The following RUFY1 variants were observed in gnomAD, a reference collection of about 807,000 sequenced individuals.
RUFY1 encodes RUN and FYVE domain-containing protein 1.
In RUFY1, 54 loss-of-function variants were observed where a neutral mutation model predicts 94.6. The ratio of observed to expected loss-of-function variants is 0.57; its 90% CI spans 0.46 to 0.72. RUFY1 has a LOEUF of 0.72. Ranked by LOEUF, RUFY1 falls within the 30% of genes least tolerant of loss-of-function variation. The pLI is 0.00. For synonymous variants in RUFY1, 396 were observed against 347.3 expected (o/e 1.14, Z -1.56); for missense variants, 883 against 883.9 (o/e 1.00, Z 0.01).
At chr5:179,591,338 C>T (rs1325503844) in intron 9 of RUFY1, among the ~76,000 whole-genome samples, 1 of 151,958 alleles carries the variant, frequency 6.6e-6, no homozygotes, top group Non-Finnish European at 1.5e-5. Flanking sequence ...GCGCCCACCA[C>T]CACGCCCAGC....
chr5:179,560,373 C>T (rs1762347701), intron 2 of RUFY1, among the ~76,000 whole-genome samples, 175 bp downstream of exon 2: 1 of 152,192 alleles, frequency 6.6e-6, no homozygotes, highest in African/African-American at 2.4e-5. Flanking sequence ...ATAGAAATAG[C>T]ATGCAAGCTA....
At chr5:179,579,502 T>C (rs1763914237) in intron 6 of RUFY1, among the ~76,000 whole-genome samples, 1 of 151,734 alleles carries the variant, frequency 6.6e-6, no homozygotes, top group South Asian at 2.1e-4. Context: ...GGCTAATTTT[T>C]TGTATTTTTA....
chr5:179,582,042 A>T (rs1764203889), intron 7 of RUFY1, among the ~76,000 whole-genome samples: 1 of 152,018 alleles, frequency 6.6e-6, no homozygotes, highest in Non-Finnish European at 1.5e-5. Context: ...TTGGTCGATT[A>T]CTAGTTTATT....
Position 179,609,555 on chromosome 5 carries a change from G to GC in RUFY1, c.*38dup. On this transcript the variant is annotated 3_prime_UTR_variant, in exon 18 of 18. Transcript: ENST00000319449. Reference sequence around the variant, plus strand: ...TCAGGAGCACAGCCTCACGGACAGTGCCAAACCCTGTGGGTCTCCAGGGGC... The same window carrying GC: ...TCAGGAGCACAGCCTCACGGACAGTGCCCAAACCCTGTGGGTCTCCAGGGGC... 6.5e-7 allele frequency: 1 copy of GC among 1,548,346 alleles called. No individual in the cohort carries two copies.
At chr5:179,595,032 C>T (rs933966459) in intron 12 of RUFY1, 69 bp downstream of exon 12, 1 of 1,141,882 alleles carries the variant, frequency 8.8e-7, no homozygotes, top group Non-Finnish European at 1.3e-6. Flanking sequence ...GAGACTTATT[C>T]AGAGTCCCTC....
chr5:179,594,892 G>A lies in RUFY1; in HGVS notation c.1440G>A (p.Lys480=). Reference sequence around the variant, plus strand: ...ATGCAGAGAGCAGTTTGCAGCAGAAGAATGAAGCCATCACATCCTTTGAAG... The same window carrying A: ...ATGCAGAGAGCAGTTTGCAGCAGAAAAATGAAGCCATCACATCCTTTGAAG... ...AQNAESSLQQ[K]NEAITSFEGK... The change falls in exon 12 of 18, where the codon AAG becomes AAA. Residue 480 remains lysine, a synonymous_variant. Transcript: ENST00000319449. 6.2e-7 allele frequency: 1 copy of A among 1,611,720 alleles called. No homozygotes were observed. Among genetic ancestry groups the A allele is most frequent in the Non-Finnish European group, 8.5e-7 (1 of 1,178,746 alleles).
At chr5:179,586,571 A>G (rs1328105673) in intron 8 of RUFY1, 1 of 394,276 alleles carries the variant, frequency 2.5e-6, no homozygotes, top group Non-Finnish European at 5.1e-6. Flanking sequence ...GAGGTGGGTT[A>G]CAGCAGAGAA....
chr5:179,566,196 T>G (rs1384653437), intron 3 of RUFY1, among the ~76,000 whole-genome samples: 1 of 152,160 alleles, frequency 6.6e-6, no homozygotes, highest in Non-Finnish European at 1.5e-5. Context: ...TTGAGAGGCC[T>G]TTTTTCTTTT....
At chr5:179,578,278 A>G (rs1272522136) in intron 6 of RUFY1, among the ~76,000 whole-genome samples, 1 of 152,068 alleles carries the variant, frequency 6.6e-6, no homozygotes, top group Non-Finnish European at 1.5e-5. Flanking sequence ...CAGTGGTGCA[A>G]TCTCGGCTCA....
intron 5 of RUFY1, among the ~76,000 whole-genome samples, chr5:179,576,258 T>G (rs1227720130): frequency 6.6e-6 from 1 of 152,184 alleles, no homozygotes; most frequent in Non-Finnish European, 1.5e-5. Context: ...AAGTGCTTTA[T>G]TTCTTGGCAA....
At chr5:179,596,817 C>G in intron 13 of RUFY1, 136 bp downstream of exon 13, 1 of 1,132,948 alleles carries the variant, frequency 8.8e-7, no homozygotes, top group South Asian at 1.7e-5. Flanking sequence ...TGCTTCACCA[C>G]TCACCCCTGC....
chr5:179,607,673 C>A lies in RUFY1; in HGVS notation c.1983+14C>A. On this transcript the variant is annotated intron_variant, in intron 17 of 17. Transcript: ENST00000319449. ...TCCCGGAGAAAGGTACGTGGGGGCT[C>A]CACCCACCCTCCCAGTGCCCTGAGT... The A allele has an allele frequency of 6.2e-7, 1 of 1,603,690 alleles. No homozygotes were observed.
At chr5:179,556,980 G>A (rs1023743524) in intron 1 of RUFY1, among the ~76,000 whole-genome samples, 1 of 152,092 alleles carries the variant, frequency 6.6e-6, no homozygotes, top group African/African-American at 2.4e-5. Flanking sequence ...CAAGTTATAT[G>A]CCCCAAATCA....
Position 179,598,626 on chromosome 5 carries a change from T to C in RUFY1, c.1632-66T>C, listed in dbSNP as rs1463133122. ...ACTTCCCTGTTTCCTGGGCGGTGAA[T>C]TGGGTTGTGAATCTTCCGTGAAAGT... On this transcript the variant is annotated intron_variant, in intron 13 of 17. Transcript: ENST00000319449. 1.4e-5 allele frequency: 22 copies of C among 1,586,152 alleles called. No individual in the cohort carries two copies. In the East Asian group the frequency reaches 4.7e-4, roughly 34 times the overall value.
chr5:179,600,898 A>G (rs959874498), intron 14 of RUFY1, among the ~76,000 whole-genome samples: 1 of 151,988 alleles, frequency 6.6e-6, no homozygotes. Context: ...GGGTTTTGCC[A>G]TGTTGGCCAG....
At chr5:179,593,428 A>G (rs1467317424) in intron 10 of RUFY1, 50 bp from the exon 11 acceptor site, 2 of 1,565,706 alleles carry the variant, frequency 1.3e-6, no homozygotes. Flanking sequence ...AGTTAAATAC[A>G]TTTCTGTGAT....
intron 8 of RUFY1, chr5:179,586,555 G>A (rs1406598161): frequency 2.4e-5 from 10 of 415,878 alleles, no homozygotes; most frequent in South Asian, 1.3e-4. Flanking sequence ...ACACCTCCAC[G>A]GCATGGAGGT....
At chr5:179,605,019 C>G (rs1766909917) in intron 15 of RUFY1, among the ~76,000 whole-genome samples, 1 of 151,658 alleles carries the variant, frequency 6.6e-6, no homozygotes, top group South Asian at 2.1e-4. Context: ...AGGCTCAGGC[C>G]TATAATCCTA....
chr5:179,559,722 A>T, intron 1 of RUFY1: 1 of 1,080,404 alleles, frequency 9.3e-7, no homozygotes, highest in Non-Finnish European at 1.1e-6. Context: ...GGGAGAAGCC[A>T]AACGCGGCGA....
Sources: allele counts gnomAD v4.1 joint callset (sites outside exome capture counted in the v4.1 genomes callset), GRCh38; gene constraint gnomAD v4.1.1; transcripts MANE v1.5; gene names NCBI Gene and HGNC (gene_info 2026-07-23, HGNC 2026-07-21).